Variants in GSK3B observed in about 807,000 individuals in gnomAD.
GSK3B encodes the protein glycogen synthase kinase-3 beta.
Under a neutral mutation model 56.4 loss-of-function variants are expected in GSK3B, and 15 were observed. The observed-to-expected ratio is 0.27, with a 90% CI of 0.18 to 0.41. GSK3B has a LOEUF of 0.41. Among genes scored for constraint, GSK3B ranks in the 10% least tolerant of loss-of-function variants. GSK3B has a pLI of 1.00. For missense variants in GSK3B, 300 were observed against 513.4 expected (o/e 0.58, Z 4.02); for synonymous variants, 181 against 188.9 (o/e 0.96, Z 0.34).
At chr3:120,008,102 C>A (rs2057745201) in intron 1 of GSK3B, among the ~76,000 whole-genome samples, 1 of 152,052 alleles carries the variant, frequency 6.6e-6, no homozygotes. Flanking sequence ...AGACAAACAG[C>A]CAAATCATGA....
At chr3:119,933,381 GC>G in intron 3 of GSK3B, among the ~76,000 whole-genome samples, 2 of 152,116 alleles carry the variant, frequency 1.3e-5, no homozygotes, top group East Asian at 1.9e-4. Context: ...AAGACATAGA[GC>G]CCCCCCAAAT....
intron 2 of GSK3B, among the ~76,000 whole-genome samples, chr3:119,993,453 T>TA (rs200926471): frequency 1.1e-4 from 16 of 150,750 alleles, no homozygotes; most frequent in Admixed American, 5.9e-4. Context: ...AAATTAAAAT[T>TA]AAAAAAAAAG....
chr3:119,990,947 A>G (rs1431254421), intron 2 of GSK3B, among the ~76,000 whole-genome samples: 2 of 152,122 alleles, frequency 1.3e-5, no homozygotes. Context: ...AAATAAATAA[A>G]ATGGTATTAA....
intron 8 of GSK3B, among the ~76,000 whole-genome samples, chr3:119,875,397 G>A (rs2056299258): frequency 6.6e-6 from 1 of 151,676 alleles, no homozygotes; most frequent in South Asian, 2.1e-4. Flanking sequence ...ATAACTAAAT[G>A]AATTTAATTG....
intron 1 of GSK3B, chr3:120,030,010 C>A: frequency 7.8e-6 from 3 of 382,490 alleles, no homozygotes; most frequent in East Asian, 6.1e-5. Context: ...GCTGTGTCCC[C>A]CAGTCTGTCT....
intron 1 of GSK3B, among the ~76,000 whole-genome samples, chr3:120,039,635 T>C (rs2058049739): frequency 6.6e-6 from 1 of 152,158 alleles, no homozygotes; most frequent in Admixed American, 6.5e-5. Flanking sequence ...TAACTCACCT[T>C]CCCCTTTTCT....
At chr3:120,079,037 G>GT (rs2058391632) in intron 1 of GSK3B, among the ~76,000 whole-genome samples, 1 of 146,278 alleles carries the variant, frequency 6.8e-6, no homozygotes, top group Admixed American at 6.9e-5. Flanking sequence ...GCTTTGCCAG[G>GT]TTCAAACGAT....
Position 119,982,197 on chromosome 3 carries a change from C to T in GSK3B, c.282+19849G>A, listed in dbSNP as rs550885445. Reference sequence around the variant, plus strand: ...AACAAAAAGGACATCTACACCAAAACCCCATCTGTAGGTCACCAACATCAA... The same window carrying T: ...AACAAAAAGGACATCTACACCAAAATCCCATCTGTAGGTCACCAACATCAA... On this transcript the variant is annotated intron_variant, in intron 2 of 10. Coordinates refer to ENST00000264235, the MANE Select transcript of GSK3B (RefSeq NM_001146156.2). 4.6e-5 allele frequency among the ~76,000 whole-genome samples: 7 copies of T among 152,256 alleles called. No homozygotes were observed. In the East Asian group the frequency reaches 1.3e-3, roughly 29 times the overall value.
At chr3:120,036,404 C>G (rs942146653) in intron 1 of GSK3B, among the ~76,000 whole-genome samples, 1 of 152,096 alleles carries the variant, frequency 6.6e-6, no homozygotes, top group Non-Finnish European at 1.5e-5. Context: ...TTTGTTGTTG[C>G]AATACCCCCA....
chr3:119,869,368 C>A (rs539178802), intron 8 of GSK3B, among the ~76,000 whole-genome samples: 1 of 151,770 alleles, frequency 6.6e-6, no homozygotes, highest in East Asian at 1.9e-4. Context: ...CTACTGAAAA[C>A]AACTTTCAGA....
At chr3:119,910,782 T>G (rs557353947) in intron 6 of GSK3B, among the ~76,000 whole-genome samples, 13 of 152,320 alleles carry the variant, frequency 8.5e-5, no homozygotes, top group Non-Finnish European at 1.6e-4. Flanking sequence ...CAACTACAAT[T>G]ATGTAATATT....
intron 9 of GSK3B, 85 bp from the exon 10 acceptor site, chr3:119,843,438 T>G: frequency 2.7e-6 from 2 of 735,950 alleles, no homozygotes; most frequent in South Asian, 3.1e-5. Flanking sequence ...GAAAATAAGA[T>G]TCTGCATTAA....
intron 3 of GSK3B, among the ~76,000 whole-genome samples, chr3:119,941,039 G>A (rs1559846018): frequency 6.9e-6 from 1 of 145,146 alleles, no homozygotes; most frequent in Non-Finnish European, 1.5e-5. Flanking sequence ...TTTTGAGATG[G>A]AGCTTCGCTC....
intron 9 of GSK3B, among the ~76,000 whole-genome samples, chr3:119,851,333 A>G (rs1247995814): frequency 6.6e-6 from 1 of 152,234 alleles, no homozygotes; most frequent in Non-Finnish European, 1.5e-5. Context: ...GTCTTTTCCA[A>G]TGGAAAAATG....
intron 9 of GSK3B, among the ~76,000 whole-genome samples, chr3:119,858,241 G>A (rs1374311837): frequency 1.3e-5 from 2 of 152,172 alleles, no homozygotes; most frequent in Non-Finnish European, 2.9e-5. Context: ...CCAGGCCATC[G>A]ACTTCTCCTC....
At chr3:119,864,619 G>A (rs1276866199) in intron 8 of GSK3B, among the ~76,000 whole-genome samples, 2 of 152,224 alleles carry the variant, frequency 1.3e-5, no homozygotes. Context: ...GGACCCACAA[G>A]TGAGAAAAGC....
rs374302393 is a variant in GSK3B at position 119,843,785 on chromosome 3, G to A, written c.1097-432C>T. On this transcript the variant is annotated intron_variant, in intron 9 of 10. Transcript: ENST00000264235. Reference sequence around the variant, plus strand: ...ATCAACGAAACAGAAAAGTAACAAGGATATTTGGGACTTGAACTCAGCTCT... The same window carrying A: ...ATCAACGAAACAGAAAAGTAACAAGAATATTTGGGACTTGAACTCAGCTCT... Among the ~76,000 whole-genome samples, 126 of 152,116 alleles carry A rather than the reference G, an allele frequency of 8.3e-4. No homozygotes were observed. In the South Asian group the frequency reaches 0.011, roughly 13 times the overall value.
chr3:120,084,707 T>C (rs909012614), intron 1 of GSK3B: 1 of 152,230 alleles, frequency 6.6e-6, no homozygotes, highest in African/African-American at 2.4e-5. Context: ...CTTTTTATTA[T>C]GAAATAAACA....
intron 2 of GSK3B, among the ~76,000 whole-genome samples, chr3:119,987,111 G>A (rs183787999): frequency 3.3e-5 from 5 of 152,294 alleles, no homozygotes; most frequent in Non-Finnish European, 7.3e-5. Context: ...TCACTCACAG[G>A]TGGGAATTGA....
Sources: allele counts gnomAD v4.1 joint callset (sites outside exome capture counted in the v4.1 genomes callset), GRCh38; gene constraint gnomAD v4.1.1; transcripts MANE v1.5; gene names NCBI Gene and HGNC (gene_info 2026-07-23, HGNC 2026-07-21).